CDH18: variants seen among roughly 807,000 people sequenced by gnomAD.
The protein encoded by CDH18 is cadherin-18.
CDH18 carries 31 observed loss-of-function variants against 67.9 expected under a neutral mutation model. That is an observed-to-expected ratio of 0.46 (90% CI 0.34 to 0.62). The LOEUF is 0.62. Among genes scored for constraint, CDH18 ranks in the 20% least tolerant of loss-of-function variants. The pLI, the probability that CDH18 is intolerant of heterozygous loss-of-function variation, is 0.01. For missense variants in CDH18, 890 were observed against 975.5 expected, an observed-to-expected ratio of 0.91 and a Z score of 1.17; for synonymous variants, 362 against 347.2, an observed-to-expected ratio of 1.04 and a Z score of -0.48.
intron 2 of CDH18, among the ~76,000 whole-genome samples, chr5:20,244,834 C>T (rs1743253895): frequency 6.6e-6 from 1 of 151,840 alleles, no homozygotes; most frequent in Non-Finnish European, 1.5e-5. Flanking sequence ...AAATAAAGAT[C>T]CTAGTGAAAC....
intron 2 of CDH18, among the ~76,000 whole-genome samples, chr5:20,064,923 A>G (rs1248784074): frequency 6.6e-6 from 1 of 152,062 alleles, no homozygotes; most frequent in African/African-American, 2.4e-5. Flanking sequence ...TTATATAAGT[A>G]AGTTTGATAT....
chr5:20,435,793 C>A (rs1455669288), intron 1 of CDH18, among the ~76,000 whole-genome samples: 1 of 152,004 alleles, frequency 6.6e-6, no homozygotes, highest in African/African-American at 2.4e-5. Flanking sequence ...TCACAAGTAT[C>A]TGTGAGAACA....
rs115841008 is a variant in CDH18 at position 20,024,923 on chromosome 5, A to G, written c.-517-32909T>C. The stretch of plus-strand genomic sequence containing the variant: ...TAATGTTTGGTAAGTGAGTGAAGAG[A>G]CAGCAACATCACTCACTGACCTGCA... On this transcript the variant is annotated intron_variant, in intron 2 of 14. Coordinates refer to the CDH18 transcript ENST00000507958. Among the ~76,000 whole-genome samples the G allele has an allele frequency of 2.3e-3, 352 of 152,296 alleles. 1 individual carries two copies. Among genetic ancestry groups the G allele is most frequent in the African/African-American group, 8.2e-3 (339 of 41,566 alleles).
chr5:20,088,867 T>C lies in CDH18; in HGVS notation c.-517-96853A>G, dbSNP rs1048545952. The stretch of plus-strand genomic sequence containing the variant: ...GTAGCTTGTCTATTGTCTTTAATTT[T>C]GTTCTGATGTGACTCACTACCCTTC... On this transcript the variant is annotated intron_variant, in intron 2 of 14. Transcript: ENST00000507958. Among the ~76,000 whole-genome samples the C allele has an allele frequency of 2.6e-5, 4 of 152,304 alleles. No individual in the cohort carries two copies. The East Asian group carries it at 7.7e-4, about 29-fold the overall frequency.
chr5:19,637,552 TTA>T (rs1261861155), intron 5 of CDH18, among the ~76,000 whole-genome samples: 1 of 152,202 alleles, frequency 6.6e-6, no homozygotes, highest in Non-Finnish European at 1.5e-5. Flanking sequence ...ATTTTGGGCT[TTA>T]TGTTTGTCTC....
chr5:19,500,004 T>C (rs1471783848), intron 11 of CDH18, among the ~76,000 whole-genome samples: 2 of 152,092 alleles, frequency 1.3e-5, no homozygotes, highest in African/African-American at 4.8e-5. Context: ...GATTTATTTC[T>C]TTATATTCTG....
chr5:20,464,279 T>A (rs1751479389), intron 1 of CDH18, among the ~76,000 whole-genome samples: 2 of 152,174 alleles, frequency 1.3e-5, no homozygotes, highest in Non-Finnish European at 2.9e-5. Flanking sequence ...ATCCCAGTGG[T>A]GCACATTAAA....
chr5:20,450,985 A>G (rs1416886735), intron 1 of CDH18, among the ~76,000 whole-genome samples: 2 of 152,174 alleles, frequency 1.3e-5, no homozygotes, highest in South Asian at 2.1e-4. Flanking sequence ...CTTACTCACT[A>G]TCATGAGAAC....
chr5:19,719,226 T>G (rs567036948), intron 5 of CDH18, among the ~76,000 whole-genome samples: 41 of 152,032 alleles, frequency 2.7e-4, no homozygotes, highest in Non-Finnish European at 5.4e-4. Context: ...ATTAGATAAT[T>G]GTAACTATTT....
chr5:20,569,791 G>C (rs59529254), intron 1 of CDH18, among the ~76,000 whole-genome samples: 23,212 of 152,158 alleles, frequency 0.15, 1,950 homozygotes, highest in African/African-American at 0.21. Context: ...ACCTTCAGTA[G>C]ATGAATGAAT....
chr5:20,100,534 T>C (rs1294813788), intron 2 of CDH18, among the ~76,000 whole-genome samples: 1 of 152,200 alleles, frequency 6.6e-6, no homozygotes, highest in Admixed American at 6.5e-5. Context: ...CTCTGGAAGT[T>C]TATCGGTTGT....
At chr5:19,866,370 TGCAGAAGAAAG>T (rs139951257) in intron 2 of CDH18, among the ~76,000 whole-genome samples, 4,297 of 152,202 alleles carry the variant, frequency 0.028, 200 homozygotes, top group African/African-American at 0.096. Context: ...TCAGCCTCAA[TGCAGAAGAAAG>T]GCAGTCTTTT....
chr5:19,848,069 T>C (rs1783203143), intron 2 of CDH18: 1 of 152,158 alleles, frequency 6.6e-6, no homozygotes, highest in Admixed American at 6.6e-5. Context: ...CTTCTCTTTA[T>C]CCCTTGAGGC....
chr5:20,483,727 T>C (rs972200990), intron 1 of CDH18, among the ~76,000 whole-genome samples: 1 of 151,014 alleles, frequency 6.6e-6, no homozygotes, highest in Non-Finnish European at 1.5e-5. Context: ...GATATCCACA[T>C]GCAGAAAAAT....
At chr5:20,464,382 G>A (rs893507770) in intron 1 of CDH18, among the ~76,000 whole-genome samples, 8 of 152,250 alleles carry the variant, frequency 5.3e-5, no homozygotes, top group East Asian at 1.9e-4. Flanking sequence ...CAACAGAAGC[G>A]GCCATGGAAC....
intron 2 of CDH18, among the ~76,000 whole-genome samples, chr5:20,146,123 C>T (rs1750624516): frequency 6.6e-6 from 1 of 152,214 alleles, no homozygotes; most frequent in South Asian, 2.1e-4. Context: ...CAGATCTTCA[C>T]ATGGCCGGCT....
rs370872796 is a variant in CDH18 at position 20,167,804 on chromosome 5, T to C, written c.-518+87640A>G. 5.8e-4 allele frequency among the ~76,000 whole-genome samples: 89 copies of C among 152,312 alleles called. No individual in the cohort carries two copies. In the South Asian group the frequency reaches 0.016, roughly 28 times the overall value. On this transcript the variant is annotated intron_variant, in intron 2 of 14. Transcript: ENST00000507958. ...TAATACGGCCCAAAGGACACCTTTA[T>C]GGAGCAGGGGGTAAAAACACTTGGA...
At chr5:19,493,333 T>C (rs1225014247) in intron 11 of CDH18, among the ~76,000 whole-genome samples, 2 of 152,178 alleles carry the variant, frequency 1.3e-5, no homozygotes, top group Admixed American at 6.5e-5. Flanking sequence ...AACTGCTGTA[T>C]ACCCAGCAGA....
At chr5:20,050,275 C>T (rs1378157838) in intron 2 of CDH18, among the ~76,000 whole-genome samples, 3 of 151,790 alleles carry the variant, frequency 2.0e-5, no homozygotes, top group Non-Finnish European at 4.4e-5. Context: ...AATAGTTACT[C>T]TCTATTTGAT....
Sources: allele counts gnomAD v4.1 joint callset (sites outside exome capture counted in the v4.1 genomes callset), GRCh38; gene constraint gnomAD v4.1.1; transcripts MANE v1.5; gene names NCBI Gene and HGNC (gene_info 2026-07-23, HGNC 2026-07-21).